DCHS2: variants seen among roughly 807,000 people sequenced by gnomAD.
The protein encoded by DCHS2 is protocadherin-23.
Under a neutral mutation model 182.4 loss-of-function variants are expected in DCHS2, and 142 were observed. The observed-to-expected ratio is 0.78, with a 90% CI of 0.68 to 0.89. The LOEUF (loss-of-function observed/expected upper bound fraction) is 0.89, where lower values mean the gene tolerates loss of function less well. Among genes scored for constraint, DCHS2 ranks in the 40% least tolerant of loss-of-function variants. DCHS2 has a pLI of 0.00. For missense variants in DCHS2, 4,319 were observed against 4,198.6 expected (o/e 1.03, Z -0.79); for synonymous variants, 1,740 against 1,663.3 (o/e 1.05, Z -1.12).
chr4:154,272,756 T>C (rs1733658167), intron 13 of DCHS2, among the ~76,000 whole-genome samples: 1 of 152,196 alleles, frequency 6.6e-6, no homozygotes, highest in East Asian at 1.9e-4. Flanking sequence ...AACGGACTGA[T>C]AACATCCACA....
At chr4:154,314,211 G>A (rs920153286) in intron 10 of DCHS2, among the ~76,000 whole-genome samples, 8 of 152,170 alleles carry the variant, frequency 5.3e-5, no homozygotes, top group African/African-American at 1.9e-4. Flanking sequence ...TTCAGTATAT[G>A]TCTATATACT....
chr4:154,395,987 C>G (rs1426488421), intron 1 of DCHS2, among the ~76,000 whole-genome samples: 1 of 152,122 alleles, frequency 6.6e-6, no homozygotes, highest in East Asian at 1.9e-4. Flanking sequence ...GTTCTTATTA[C>G]CATTTTGTAG....
At chr4:154,334,843 T>C (rs1361256800) in intron 4 of DCHS2, 25 bp downstream of exon 4, 2 of 1,526,002 alleles carry the variant, frequency 1.3e-6, no homozygotes, top group Admixed American at 3.4e-5. Context: ...TGGAATTCCA[T>C]GCAGCATAAG....
Position 154,298,262 on chromosome 4 carries a change from G to T in DCHS2, c.6052C>A (p.Arg2018=), listed in dbSNP as rs200884644. The T allele has an allele frequency of 6.2e-6, 10 of 1,614,092 alleles. No homozygotes were observed. In the South Asian group the frequency reaches 7.7e-5, roughly 12 times the overall value. Residue 2018 remains arginine, a synonymous_variant, in exon 13 of 20, where the codon CGA becomes AGA. Coordinates refer to ENST00000357232, the MANE Select transcript of DCHS2 (RefSeq NM_001358235.2). ...ACTTTTATAATTACAGTGGTGCTTC[G>T]TGAACCCTGGATGCTACAGTCTCTG... ...VARDCSIQGS[R]STTVIIKVYV... is the part of the protein sequence containing the mutation.
At chr4:154,297,781 G>A (rs1295756328) in intron 13 of DCHS2, 70 bp downstream of exon 13, 1 of 1,532,054 alleles carries the variant, frequency 6.5e-7, no homozygotes, top group Admixed American at 2.1e-5. Context: ...CACTCTTGTA[G>A]TATAATCCGT....
chr4:154,441,496 G>C (rs1329422961), intron 1 of DCHS2, among the ~76,000 whole-genome samples: 1 of 151,926 alleles, frequency 6.6e-6, no homozygotes, highest in Admixed American at 6.6e-5. Flanking sequence ...CTGAAAATTG[G>C]TAAAGCTCTT....
chr4:154,334,289 A>C (rs1048900614), intron 4 of DCHS2: 1 of 153,040 alleles, frequency 6.5e-6, no homozygotes, highest in African/African-American at 2.4e-5. Flanking sequence ...ATTCATTTCT[A>C]GGAATTTATC....
At chr4:154,483,055 T>C (rs1444021983) in intron 1 of DCHS2, among the ~76,000 whole-genome samples, 2 of 152,196 alleles carry the variant, frequency 1.3e-5, no homozygotes, top group Non-Finnish European at 2.9e-5. Context: ...GACTCTATTA[T>C]CACTTGGAAT....
At chr4:154,447,838 T>C (rs567096832) in intron 1 of DCHS2, among the ~76,000 whole-genome samples, 5 of 152,332 alleles carry the variant, frequency 3.3e-5, no homozygotes, top group Non-Finnish European at 5.9e-5. Context: ...GAAGGATACC[T>C]TTTCCAAGCA....
chr4:154,353,435 G>C (rs925111813), intron 3 of DCHS2, among the ~76,000 whole-genome samples: 1 of 152,132 alleles, frequency 6.6e-6, no homozygotes, highest in Non-Finnish European at 1.5e-5. Context: ...TATCAGAGTG[G>C]ATTTCAAAAT....
At chr4:154,362,583 T>C (rs1003579814) in intron 3 of DCHS2, among the ~76,000 whole-genome samples, 24 of 152,256 alleles carry the variant, frequency 1.6e-4, no homozygotes, top group African/African-American at 5.3e-4. Context: ...AGAGGAAGAC[T>C]ACAGTTGAGC....
intron 15 of DCHS2, among the ~76,000 whole-genome samples, chr4:154,259,303 A>G (rs1168462191): frequency 6.6e-6 from 1 of 152,192 alleles, no homozygotes; most frequent in East Asian, 1.9e-4. Flanking sequence ...TCCTAGAGAA[A>G]GCAGATGTCA....
At chr4:154,380,404 C>G (rs1731116199) in intron 1 of DCHS2, among the ~76,000 whole-genome samples, 1 of 152,094 alleles carries the variant, frequency 6.6e-6, no homozygotes, top group African/African-American at 2.4e-5. Context: ...TTGGTCTATT[C>G]TATTCTGACA....
At chr4:154,399,804 C>G (rs1208803726) in intron 1 of DCHS2, among the ~76,000 whole-genome samples, 8 of 152,272 alleles carry the variant, frequency 5.3e-5, no homozygotes, top group Middle Eastern at 6.8e-3. Flanking sequence ...GTTTTCACAG[C>G]ATTTCAAGTT....
chr4:154,254,618 C>T (rs1732555692), intron 16 of DCHS2, among the ~76,000 whole-genome samples: 1 of 152,176 alleles, frequency 6.6e-6, no homozygotes, highest in African/African-American at 2.4e-5. Context: ...AGGTGGATCA[C>T]TAGAGGTCAG....
Position 154,322,487 on chromosome 4 carries a change from T to C in DCHS2, c.4020A>G (p.Glu1340=). 11 of 1,591,948 alleles carry C rather than the reference T, an allele frequency of 6.9e-6. No homozygotes were observed. Among genetic ancestry groups the C allele is most frequent in the Non-Finnish European group, 7.7e-6 (9 of 1,171,366 alleles). ...CAATCTTAAAGTGATCAGAACTATC[T>C]TCTACACACACAAGAAAATTAAGAA... ...NAEVTYSVSS[E]DSSDHFKIDA... is the part of the protein sequence containing the mutation. The change falls in exon 8 of 20, where the codon GAA becomes GAG. Residue 1340 remains glutamate, a splice_region_variant and synonymous_variant. Transcript: ENST00000357232.
rs115843134 is a variant in DCHS2 at position 154,456,846 on chromosome 4, A to T, written c.2052+32458T>A. ...TACATTCTGGTTAGATGTGTTTGAT[A>T]TTATAATATATTTGGGCTATAAGTA... On this transcript the variant is annotated intron_variant, in intron 1 of 19. Transcript: ENST00000357232. 3.9e-3 allele frequency among the ~76,000 whole-genome samples: 600 copies of T among 152,242 alleles called. 4 individuals carry two copies. The highest frequency in any genetic ancestry group is 6.6e-3 in the Non-Finnish European group (452 of 68,014).
At chr4:154,464,796 TG>T (rs986084985) in intron 1 of DCHS2, among the ~76,000 whole-genome samples, 7 of 152,156 alleles carry the variant, frequency 4.6e-5, no homozygotes, top group Non-Finnish European at 1.0e-4. Flanking sequence ...TACAAAGGGT[TG>T]GGGAAAGCCC....
chr4:154,297,505 A>G (rs771264363), intron 13 of DCHS2, among the ~76,000 whole-genome samples: 29 of 152,218 alleles, frequency 1.9e-4, no homozygotes, highest in Non-Finnish European at 2.6e-4. Flanking sequence ...AGTAATTCCA[A>G]ACATAAGGGA....
Sources: allele counts gnomAD v4.1 joint callset (sites outside exome capture counted in the v4.1 genomes callset), GRCh38; gene constraint gnomAD v4.1.1; transcripts MANE v1.5; gene names NCBI Gene and HGNC (gene_info 2026-07-23, HGNC 2026-07-21).